The following GRIA3 variants were observed in gnomAD, a reference collection of about 807,000 sequenced individuals.
GRIA3 encodes glutamate ionotropic receptor AMPA type subunit 3, also known as glutamate receptor 3.
Under a neutral mutation model 63.0 loss-of-function variants are expected in GRIA3, and 3 were observed. The observed-to-expected ratio is 0.05, with a 90% CI of 0.02 to 0.12. GRIA3 has a LOEUF of 0.12. GRIA3 is among the 10% of genes least tolerant of loss of function. GRIA3 has a pLI of 1.00. For synonymous variants in GRIA3, 274 were observed against 257.9 expected, an observed-to-expected ratio of 1.06 and a Z score of -0.60; for missense variants, 347 against 700.9, an observed-to-expected ratio of 0.50 and a Z score of 5.70.
intron 2 of GRIA3, among the ~76,000 whole-genome samples, chrX:123,228,419 A>G (rs1478275434): frequency 9.0e-6 from 1 of 111,545 alleles, no homozygotes; most frequent in Non-Finnish European, 1.9e-5. Flanking sequence ...GGCTTGAAGC[A>G]CTGCCAGGCT....
intron 2 of GRIA3, among the ~76,000 whole-genome samples, chrX:123,205,962 G>T (rs756291542): frequency 9.0e-6 from 1 of 111,678 alleles, no homozygotes; most frequent in East Asian, 2.8e-4. Context: ...CTGCTCCTGC[G>T]TTGGTATGCC....
At chrX:123,280,761 T>C (rs757874275) in intron 3 of GRIA3, among the ~76,000 whole-genome samples, 1 of 112,240 alleles carries the variant, frequency 8.9e-6, no homozygotes, top group African/African-American at 3.2e-5. Context: ...TTTGGTGAAA[T>C]TTCCAATGTG....
chrX:123,389,707 T>TTGTTGC lies in GRIA3; in HGVS notation c.751-5256_751-5255insCTGTTG, dbSNP rs756022028. Among the ~76,000 whole-genome samples, 209 of 108,790 alleles carry TTGTTGC rather than the reference T, an allele frequency of 1.9e-3. 2 individuals carry two copies. Among genetic ancestry groups the TTGTTGC allele is most frequent in the African/African-American group, 6.8e-3 (203 of 29,928 alleles). 94.5% of individuals were successfully genotyped at this position (108,790 alleles called of 115,157 possible). A position where few individuals can be genotyped will look rare whatever the true frequency, so the allele number is the denominator to read the frequency against. On this transcript the variant is annotated intron_variant, in intron 5 of 15. Transcript: ENST00000620443. ...TTTGTTTTTGTTGTTGTTGTTGTTG[T>TTGTTGC]TGTTGTTGTTGTTTTATTGAAACAA...
intron 4 of GRIA3, among the ~76,000 whole-genome samples, chrX:123,338,009 ACT>A (rs1423807795): frequency 1.8e-5 from 2 of 111,378 alleles, no homozygotes; most frequent in Non-Finnish European, 3.8e-5. Context: ...AATCCTTCAA[ACT>A]CTGACCGAAG....
chrX:123,424,033 G>A (rs762836630), intron 11 of GRIA3, among the ~76,000 whole-genome samples: 15 of 111,534 alleles, frequency 1.3e-4, no homozygotes, highest in Non-Finnish European at 2.6e-4. Flanking sequence ...GGTATGATAC[G>A]CTTCTTATAA....
At chrX:123,252,938 T>C (rs982104508) in intron 2 of GRIA3, among the ~76,000 whole-genome samples, 8 of 111,900 alleles carry the variant, frequency 7.1e-5, no homozygotes, top group African/African-American at 2.6e-4. Context: ...CAGTTGTAGT[T>C]GTAGTTTGAT....
intron 5 of GRIA3, among the ~76,000 whole-genome samples, chrX:123,391,010 T>C (rs377123347): frequency 2.7e-5 from 3 of 111,186 alleles, no homozygotes; most frequent in Non-Finnish European, 5.7e-5. Context: ...AGCTATCTCT[T>C]TGGTAAATTT....
intron 5 of GRIA3, among the ~76,000 whole-genome samples, chrX:123,377,227 C>T (rs984621984): frequency 2.7e-5 from 3 of 111,585 alleles, no homozygotes; most frequent in Non-Finnish European, 5.6e-5. Context: ...TGAGCCACCG[C>T]GCCTGTCCTC....
intron 2 of GRIA3, among the ~76,000 whole-genome samples, chrX:123,248,744 C>T (rs767124944): frequency 9.0e-6 from 1 of 111,535 alleles, no homozygotes; most frequent in Admixed American, 9.5e-5. Context: ...CGAGATCGGG[C>T]CATTGCACTC....
At chrX:123,476,828 G>A (rs1387337017) in intron 13 of GRIA3, among the ~76,000 whole-genome samples, 1 of 111,426 alleles carries the variant, frequency 9.0e-6, no homozygotes, top group Non-Finnish European at 1.9e-5. Flanking sequence ...CTCAAAGGCA[G>A]CATTTGTTGC....
chrX:123,291,609 A>T (rs1284595573), intron 3 of GRIA3, among the ~76,000 whole-genome samples: 15 of 111,289 alleles, frequency 1.3e-4, no homozygotes, highest in African/African-American at 4.9e-4. Flanking sequence ...TTTTTAAGAG[A>T]AAGTATAAAA....
In GRIA3 at chrX:123,333,422, G is replaced by A. The variant is rs765459451; in HGVS notation, c.696+7209G>A. ...CCAGCCAACTGTTGTGAGGTTAAGC[G>A]TCACACAAGGGCTTATATTCAGAAT... On this transcript the variant is annotated intron_variant, in intron 4 of 15. Transcript: ENST00000620443. Among the ~76,000 whole-genome samples the A allele has an allele frequency of 6.3e-5, 7 of 111,716 alleles. No homozygotes were observed. In the East Asian group the frequency reaches 1.1e-3, roughly 18 times the overall value.
chrX:123,239,791 G>A (rs930053400), intron 2 of GRIA3, among the ~76,000 whole-genome samples: 1 of 112,204 alleles, frequency 8.9e-6, no homozygotes, highest in Admixed American at 9.4e-5. Flanking sequence ...GCTGCACGTG[G>A]CTATGGAGCA....
intron 12 of GRIA3, among the ~76,000 whole-genome samples, chrX:123,434,881 C>T (rs955246070): frequency 8.9e-6 from 1 of 112,083 alleles, no homozygotes; most frequent in Non-Finnish European, 1.9e-5. Context: ...ATATCTGCCT[C>T]CAAGAGAAAG....
intron 5 of GRIA3, among the ~76,000 whole-genome samples, chrX:123,375,462 G>A (rs1364998422): frequency 8.9e-6 from 1 of 111,920 alleles, no homozygotes; most frequent in Non-Finnish European, 1.9e-5. Context: ...GAATAAGTTT[G>A]TAAGTCTAGG....
intron 2 of GRIA3, among the ~76,000 whole-genome samples, chrX:123,236,591 A>G (rs1474091910): frequency 2.7e-5 from 3 of 111,158 alleles, no homozygotes; most frequent in Admixed American, 9.6e-5. Context: ...TATTATTCCT[A>G]TAATAATAGG....
At chrX:123,236,137 T>G (rs1337129096) in intron 2 of GRIA3, among the ~76,000 whole-genome samples, 3 of 112,073 alleles carry the variant, frequency 2.7e-5, no homozygotes, top group Non-Finnish European at 5.6e-5. Flanking sequence ...CAAAGGACTC[T>G]GCACTTCGTT....
Position 123,205,962 on chromosome X carries a change from G to A in GRIA3, c.268+19972G>A, listed in dbSNP as rs756291542. Among the ~76,000 whole-genome samples the A allele has an allele frequency of 8.9e-5, 10 of 111,732 alleles. No homozygotes were observed. In the South Asian group the frequency reaches 3.1e-3, roughly 34 times the overall value. ...GACAGACCACTCCTACTGCTCCTGC[G>A]TTGGTATGCCAGTGCTTTACTGTGT... On this transcript the variant is annotated intron_variant, in intron 2 of 15. Transcript: ENST00000620443.
intron 3 of GRIA3, among the ~76,000 whole-genome samples, chrX:123,280,135 A>G (rs1603065753): frequency 8.9e-6 from 1 of 111,786 alleles, no homozygotes; most frequent in Non-Finnish European, 1.9e-5. Flanking sequence ...CTCACACTTC[A>G]CAAATGAATA....
Sources: allele counts gnomAD v4.1 joint callset (sites outside exome capture counted in the v4.1 genomes callset), GRCh38; gene constraint gnomAD v4.1.1; transcripts MANE v1.5; gene names NCBI Gene and HGNC (gene_info 2026-07-23, HGNC 2026-07-21).